ZNF521: variants seen among roughly 807,000 people sequenced by gnomAD.
ZNF521 encodes LYST-interacting protein 3.
Under a neutral mutation model 105.5 loss-of-function variants are expected in ZNF521, and 14 were observed. The observed-to-expected ratio is 0.13, with a 90% confidence interval of 0.09 to 0.21. The LOEUF (loss-of-function observed/expected upper bound fraction) is 0.21, where lower values mean the gene tolerates loss of function less well. Among genes scored for constraint, ZNF521 ranks in the 10% least tolerant of loss-of-function variants. The pLI, the probability that ZNF521 is intolerant of heterozygous loss-of-function variation, is 1.00. For missense variants in ZNF521, 1,233 were observed against 1,629.7 expected (o/e 0.76, Z 4.19); for synonymous variants, 635 against 606.0 (o/e 1.05, Z -0.70).
At chr18:25,200,313 G>C (rs1359086508) in intron 4 of ZNF521, among the ~76,000 whole-genome samples, 1 of 152,020 alleles carries the variant, frequency 6.6e-6, no homozygotes, top group Admixed American at 6.6e-5. Flanking sequence ...CCAGACTCTT[G>C]ACTAAGATTC....
intron 3 of ZNF521, among the ~76,000 whole-genome samples, chr18:25,235,310 A>C (rs898707531): frequency 6.6e-6 from 1 of 152,244 alleles, no homozygotes; most frequent in African/African-American, 2.4e-5. Context: ...CTTTTTAAAA[A>C]TACTCAGTAA....
chr18:25,119,278 C>G (rs2034388210), intron 5 of ZNF521, among the ~76,000 whole-genome samples: 1 of 152,140 alleles, frequency 6.6e-6, no homozygotes, highest in South Asian at 2.1e-4. Context: ...AATGACTAGA[C>G]ACATAGATGA....
intron 5 of ZNF521, among the ~76,000 whole-genome samples, chr18:25,141,427 A>C (rs541765791): frequency 6.6e-6 from 1 of 152,182 alleles, no homozygotes; most frequent in East Asian, 1.9e-4. Context: ...TAGTCTTTGG[A>C]AGTTAGGGCA....
At chr18:25,274,964 T>C (rs1018017639) in intron 3 of ZNF521, among the ~76,000 whole-genome samples, 6 of 152,106 alleles carry the variant, frequency 3.9e-5, no homozygotes, top group Non-Finnish European at 7.4e-5. Flanking sequence ...AAAAAAAAGT[T>C]TCATCCCCAA....
intron 5 of ZNF521, among the ~76,000 whole-genome samples, chr18:25,177,364 T>C (rs565796148): frequency 1.2e-4 from 18 of 152,244 alleles, no homozygotes; most frequent in Non-Finnish European, 2.4e-4. Flanking sequence ...CACTAATTCA[T>C]AGGCACCCAT....
At chr18:25,228,014 C>T (rs1282989389) in intron 3 of ZNF521, among the ~76,000 whole-genome samples, 1 of 152,070 alleles carries the variant, frequency 6.6e-6, no homozygotes, top group Non-Finnish European at 1.5e-5. Context: ...TATTAAAATG[C>T]AGATTTTAAT....
At chr18:25,239,083 T>C (rs532646171) in intron 3 of ZNF521, among the ~76,000 whole-genome samples, 1 of 152,264 alleles carries the variant, frequency 6.6e-6, no homozygotes, top group South Asian at 2.1e-4. Flanking sequence ...AAGACCAAAT[T>C]GAATCCCAGT....
chr18:25,073,955 T>C (rs981757215), intron 7 of ZNF521, among the ~76,000 whole-genome samples: 13 of 150,908 alleles, frequency 8.6e-5, no homozygotes, highest in Admixed American at 3.9e-4. Context: ...TATATAAAAA[T>C]AAAACTGTGA....
At chr18:25,189,144 C>T (rs1393838570) in intron 5 of ZNF521, among the ~76,000 whole-genome samples, 1 of 152,166 alleles carries the variant, frequency 6.6e-6, no homozygotes, top group Non-Finnish European at 1.5e-5. Context: ...CTCTTAAAAA[C>T]TCTGCCTTCC....
At chr18:25,232,524 T>A (rs1906603402) in intron 3 of ZNF521, among the ~76,000 whole-genome samples, 1 of 152,368 alleles carries the variant, frequency 6.6e-6, no homozygotes, top group African/African-American at 2.4e-5. Flanking sequence ...TACAGTGCCT[T>A]AAGCTTTCAC....
At chr18:25,331,632 G>A (rs1054781383) in intron 2 of ZNF521, among the ~76,000 whole-genome samples, 4 of 152,124 alleles carry the variant, frequency 2.6e-5, no homozygotes, top group Non-Finnish European at 4.4e-5. Context: ...CCAACTGTTT[G>A]TATTTTTTCA....
intron 5 of ZNF521, among the ~76,000 whole-genome samples, chr18:25,159,918 CAAGG>C (rs2035219889): frequency 6.6e-6 from 1 of 152,120 alleles, no homozygotes; most frequent in Non-Finnish European, 1.5e-5. Context: ...AAGCTCAGTG[CAAGG>C]TATTCTACAA....
intron 3 of ZNF521, among the ~76,000 whole-genome samples, chr18:25,259,348 C>G (rs1908744791): frequency 6.6e-6 from 1 of 151,982 alleles, no homozygotes; most frequent in African/African-American, 2.4e-5. Flanking sequence ...TTGAGGCAGC[C>G]CTTTGATTCA....
intron 4 of ZNF521, among the ~76,000 whole-genome samples, chr18:25,212,239 T>A (rs919618009): frequency 2.0e-5 from 3 of 151,738 alleles, no homozygotes; most frequent in South Asian, 2.1e-4. Flanking sequence ...TGGCCGGGCA[T>A]GGTGGCTCAC....
chr18:25,138,170 G>A (rs547037397), intron 5 of ZNF521, among the ~76,000 whole-genome samples: 2 of 152,224 alleles, frequency 1.3e-5, no homozygotes, highest in African/African-American at 4.8e-5. Context: ...TTCCAGGGCT[G>A]ATACCTCCCA....
chr18:25,263,919 AT>A (rs1286638650), intron 3 of ZNF521, among the ~76,000 whole-genome samples: 2 of 152,340 alleles, frequency 1.3e-5, no homozygotes, highest in Non-Finnish European at 2.9e-5. Context: ...GAATGAATAA[AT>A]AGGTTATTAG....
At chr18:25,069,861 T>C (rs570535317) in intron 7 of ZNF521, among the ~76,000 whole-genome samples, 28 of 152,332 alleles carry the variant, frequency 1.8e-4, no homozygotes, top group African/African-American at 6.5e-4. Context: ...AATTGTCATG[T>C]ATGCTTTTGC....
chr18:25,253,172 A>G (rs1908237045), intron 3 of ZNF521, among the ~76,000 whole-genome samples: 1 of 152,178 alleles, frequency 6.6e-6, no homozygotes, highest in African/African-American at 2.4e-5. Flanking sequence ...ACACCTCTTA[A>G]GATAATAGCA....
intron 3 of ZNF521, among the ~76,000 whole-genome samples, chr18:25,245,622 T>A (rs7245075): frequency 0.28 from 41,834 of 152,122 alleles, 5,938 homozygotes; most frequent in East Asian, 0.36. Flanking sequence ...TGCTAGGCAC[T>A]GGGATCAAAG....
Sources: gnomAD v4.1 joint callset for allele counts (sites outside exome capture counted in the v4.1 genomes callset) on GRCh38, gnomAD v4.1.1 for gene constraint, MANE v1.5 for transcripts, NCBI Gene and HGNC (gene_info 2026-07-23, HGNC 2026-07-21) for gene names.